Variants in ZBTB7C observed in about 807,000 individuals in gnomAD.
ZBTB7C encodes the protein zinc finger and BTB domain containing 7C.
A neutral mutation model predicts 25.7 loss-of-function variants in ZBTB7C; 8 were observed. The observed-to-expected ratio is 0.31, with a 90% CI of 0.18 to 0.56. The LOEUF is 0.56. Among genes scored for constraint, ZBTB7C ranks in the 20% least tolerant of loss-of-function variants. The pLI, the probability that ZBTB7C is intolerant of heterozygous loss-of-function variation, is 0.91. For synonymous variants in ZBTB7C, 394 were observed against 369.0 expected (o/e 1.07, Z -0.78); for missense variants, 824 against 855.2 (o/e 0.96, Z 0.46).
At chr18:48,382,222 T>C (rs747678640) in intron 1 of ZBTB7C, among the ~76,000 whole-genome samples, 3 of 152,304 alleles carry the variant, frequency 2.0e-5, no homozygotes, top group South Asian at 4.1e-4. Context: ...TTTAGAAATA[T>C]GGCTATAAGC....
At chr18:48,099,979 C>T (rs1203560463) in intron 3 of ZBTB7C, among the ~76,000 whole-genome samples, 1 of 152,226 alleles carries the variant, frequency 6.6e-6, no homozygotes, top group African/African-American at 2.4e-5. Flanking sequence ...ACCTCCTTAG[C>T]AGGCTGAGTC....
At chr18:48,279,750 C>G (rs922685446) in intron 2 of ZBTB7C, among the ~76,000 whole-genome samples, 6 of 152,200 alleles carry the variant, frequency 3.9e-5, no homozygotes, top group Non-Finnish European at 7.3e-5. Context: ...CCCAGGCTGT[C>G]CAGGCTACAC....
At chr18:48,037,643 C>T (rs913091509) in intron 4 of ZBTB7C, among the ~76,000 whole-genome samples, 1 of 152,184 alleles carries the variant, frequency 6.6e-6, no homozygotes. Context: ...GATGGGGTCT[C>T]AGGGTGCCAG....
intron 2 of ZBTB7C, among the ~76,000 whole-genome samples, chr18:48,186,841 C>T (rs990104909): frequency 7.9e-5 from 12 of 152,124 alleles, no homozygotes; most frequent in Non-Finnish European, 1.5e-4. Context: ...CTTTTACAAT[C>T]GTGGCTAAAT....
intron 3 of ZBTB7C, among the ~76,000 whole-genome samples, chr18:48,141,345 G>T (rs1326641903): frequency 6.6e-6 from 1 of 152,106 alleles, no homozygotes; most frequent in South Asian, 2.1e-4. Flanking sequence ...TGCTCGCATT[G>T]ATTTTTTTAT....
chr18:48,359,364 T>G (rs1474877046), intron 1 of ZBTB7C, among the ~76,000 whole-genome samples: 2 of 152,078 alleles, frequency 1.3e-5, no homozygotes, highest in Non-Finnish European at 2.9e-5. Flanking sequence ...AAACATGACT[T>G]TCAAAGAAAA....
chr18:48,045,108 A>C (rs1251448888), intron 3 of ZBTB7C, among the ~76,000 whole-genome samples: 9 of 152,188 alleles, frequency 5.9e-5, no homozygotes, highest in Non-Finnish European at 1.0e-4. Context: ...GTGCTTAGGG[A>C]TGCCTTTGTG....
At chr18:48,204,181 T>C (rs1056968985) in intron 2 of ZBTB7C, among the ~76,000 whole-genome samples, 5 of 152,104 alleles carry the variant, frequency 3.3e-5, no homozygotes, top group Non-Finnish European at 1.5e-5. Flanking sequence ...TGGTGGGAGA[T>C]GGATAGAATG....
chr18:48,382,136 C>T (rs947521768), intron 1 of ZBTB7C, among the ~76,000 whole-genome samples: 3 of 152,188 alleles, frequency 2.0e-5, no homozygotes, highest in Admixed American at 2.0e-4. Context: ...TCACCTTCCA[C>T]TAGTAGGAAG....
At chr18:48,308,235 C>G (rs144793992) in intron 2 of ZBTB7C, among the ~76,000 whole-genome samples, 1 of 152,216 alleles carries the variant, frequency 6.6e-6, no homozygotes, top group African/African-American at 2.4e-5. Flanking sequence ...GTGCTTCTTC[C>G]ACTCCCTGCC....
At chr18:48,294,292 G>A (rs1043086665) in intron 2 of ZBTB7C, among the ~76,000 whole-genome samples, 1 of 152,222 alleles carries the variant, frequency 6.6e-6, no homozygotes, top group Non-Finnish European at 1.5e-5. Context: ...AGCCGAAGCA[G>A]CTACTAAATT....
intron 1 of ZBTB7C, among the ~76,000 whole-genome samples, chr18:48,354,280 C>T (rs566746518): frequency 6.6e-6 from 1 of 152,294 alleles, no homozygotes; most frequent in South Asian, 2.1e-4. Flanking sequence ...CTGCCTCAGC[C>T]TCCAGAGTAG....
At chr18:48,282,754 G>A (rs569556491) in intron 2 of ZBTB7C, among the ~76,000 whole-genome samples, 1 of 152,334 alleles carries the variant, frequency 6.6e-6, no homozygotes, top group South Asian at 2.1e-4. Context: ...AGACACTGAA[G>A]GGTAATACTA....
chr18:48,363,814 T>TACGTG (rs1275796544), intron 1 of ZBTB7C, among the ~76,000 whole-genome samples: 3 of 152,086 alleles, frequency 2.0e-5, no homozygotes, highest in Non-Finnish European at 4.4e-5. Context: ...TCTGCCAGCC[T>TACGTG]ACGTGATGTC....
At chr18:48,163,025 GA>G (rs1404547975) in intron 3 of ZBTB7C, among the ~76,000 whole-genome samples, 1 of 152,182 alleles carries the variant, frequency 6.6e-6, no homozygotes, top group Non-Finnish European at 1.5e-5. Context: ...ACTGGTGGGG[GA>G]TGTTTCCGAA....
At chr18:48,039,859 C>G (rs1216810452) in intron 4 of ZBTB7C, 41 bp downstream of exon 4, 1 of 1,597,860 alleles carries the variant, frequency 6.3e-7, no homozygotes, top group Non-Finnish European at 8.5e-7. Flanking sequence ...CCCCCATGGC[C>G]TCTGGCCCCG....
chr18:48,319,060 C>T (rs1229252797), intron 2 of ZBTB7C, among the ~76,000 whole-genome samples: 1 of 151,618 alleles, frequency 6.6e-6, no homozygotes, highest in Non-Finnish European at 1.5e-5. Context: ...CTTTCTCCTA[C>T]CATAAATTTT....
chr18:48,291,981 T>C (rs2097098), intron 2 of ZBTB7C, among the ~76,000 whole-genome samples: 74,825 of 151,952 alleles, frequency 0.49, 19,788 homozygotes, highest in East Asian at 0.71. Context: ...GCAGATCACC[T>C]GAGGTCAGGA....
chr18:48,347,746 C>G (rs781154879), intron 1 of ZBTB7C, among the ~76,000 whole-genome samples: 1 of 152,204 alleles, frequency 6.6e-6, no homozygotes, highest in Non-Finnish European at 1.5e-5. Flanking sequence ...AGGTTGTGGT[C>G]ACAAAAGAGA....
Sources: gnomAD v4.1 joint callset for allele counts (sites outside exome capture counted in the v4.1 genomes callset) on GRCh38, gnomAD v4.1.1 for gene constraint, MANE v1.5 for transcripts, NCBI Gene and HGNC (gene_info 2026-07-23, HGNC 2026-07-21) for gene names.